Variants in ABCC1 observed in about 807,000 individuals in gnomAD.
ABCC1 encodes multidrug resistance-associated protein 1.
A neutral mutation model predicts 172.9 loss-of-function variants in ABCC1; 83 were observed. The observed-to-expected ratio is 0.48, with a 90% CI of 0.40 to 0.58. ABCC1 has a LOEUF of 0.58. Ranked by LOEUF, ABCC1 falls within the 20% of genes least tolerant of loss-of-function variation. The pLI is 0.00. For missense variants in ABCC1, 1,817 were observed against 2,002.7 expected (o/e 0.91, Z 1.77); for synonymous variants, 937 against 825.2 (o/e 1.14, Z -2.32).
At chr16:16,051,066 C>G (rs375630295) in intron 10 of ABCC1, among the ~76,000 whole-genome samples, 1 of 152,016 alleles carries the variant, frequency 6.6e-6, no homozygotes, top group South Asian at 2.1e-4. Flanking sequence ...TCTAACATCA[C>G]GTTTTGTTTT....
At chr16:16,073,896 T>C (rs2050450527) in intron 14 of ABCC1, among the ~76,000 whole-genome samples, 1 of 152,220 alleles carries the variant, frequency 6.6e-6, no homozygotes, top group Non-Finnish European at 1.5e-5. Flanking sequence ...TGTGTAAACG[T>C]CGGTTATACC....
intron 10 of ABCC1, among the ~76,000 whole-genome samples, chr16:16,049,587 C>G (rs1403261752): frequency 2.0e-5 from 3 of 152,194 alleles, no homozygotes; most frequent in Non-Finnish European, 2.9e-5. Flanking sequence ...TTGATTTACC[C>G]TCCCTTCTCA....
intron 17 of ABCC1, among the ~76,000 whole-genome samples, chr16:16,086,154 C>T (rs1436768036): frequency 2.0e-5 from 3 of 152,210 alleles, no homozygotes; most frequent in Non-Finnish European, 4.4e-5. Flanking sequence ...CACGGCCTTC[C>T]CACTGGTCAA....
At chr16:15,963,379 T>C (rs1159400498) in intron 1 of ABCC1, among the ~76,000 whole-genome samples, 1 of 152,244 alleles carries the variant, frequency 6.6e-6, no homozygotes, top group Admixed American at 6.5e-5. Flanking sequence ...TTCTGGATGG[T>C]GGCCCTTTTC....
intron 16 of ABCC1, among the ~76,000 whole-genome samples, chr16:16,080,583 T>C (rs2050767957): frequency 6.6e-6 from 1 of 151,910 alleles, no homozygotes; most frequent in African/African-American, 2.4e-5. Flanking sequence ...TTTCCAGGAG[T>C]GTGGTCTGCA....
intron 1 of ABCC1, among the ~76,000 whole-genome samples, chr16:15,995,961 C>T (rs1336408732): frequency 6.6e-6 from 1 of 151,178 alleles, no homozygotes; most frequent in Non-Finnish European, 1.5e-5. Context: ...AGGTGTGTAC[C>T]ACCACGCCCA....
chr16:15,981,139 T>G (rs1456915010), intron 1 of ABCC1, among the ~76,000 whole-genome samples: 1 of 152,254 alleles, frequency 6.6e-6, no homozygotes, highest in Non-Finnish European at 1.5e-5. Context: ...CCTGTGGCTT[T>G]GCAGGGTACA....
chr16:15,991,847 C>G (rs944025921), intron 1 of ABCC1, among the ~76,000 whole-genome samples: 1 of 152,088 alleles, frequency 6.6e-6, no homozygotes, highest in African/African-American at 2.4e-5. Flanking sequence ...AGCCTCCTTT[C>G]CCATCTCCCC....
intron 5 of ABCC1, among the ~76,000 whole-genome samples, chr16:16,020,982 T>A (rs1053305953): frequency 3.3e-5 from 5 of 152,186 alleles, no homozygotes; most frequent in African/African-American, 1.2e-4. Context: ...TTGTAACTGC[T>A]GAATGGGAGG....
At chr16:16,136,120 T>C (rs929569261) in intron 28 of ABCC1, among the ~76,000 whole-genome samples, 1 of 151,542 alleles carries the variant, frequency 6.6e-6, no homozygotes, top group Non-Finnish European at 1.5e-5. Context: ...GTCTCCCGGG[T>C]TCAAGTGATT....
At chr16:15,981,628 G>C (rs190978497) in intron 1 of ABCC1, among the ~76,000 whole-genome samples, 1 of 152,140 alleles carries the variant, frequency 6.6e-6, no homozygotes, top group Non-Finnish European at 1.5e-5. Flanking sequence ...CCCTGGGCCC[G>C]GCCTATGGAA....
intron 14 of ABCC1, chr16:16,076,095 G>A (rs2050553351): frequency 9.4e-6 from 5 of 534,694 alleles, no homozygotes; most frequent in Non-Finnish European, 1.6e-5. Context: ...CATCTTACAA[G>A]GACAAAGCTG....
intron 6 of ABCC1, among the ~76,000 whole-genome samples, chr16:16,034,504 A>G (rs959602586): frequency 6.6e-6 from 1 of 151,798 alleles, no homozygotes; most frequent in African/African-American, 2.4e-5. Context: ...CTCTAGTTAC[A>G]TAAGAGCATG....
At chr16:16,063,592 AAG>A (rs1391118270) in intron 12 of ABCC1, among the ~76,000 whole-genome samples, 3 of 152,156 alleles carry the variant, frequency 2.0e-5, no homozygotes, top group Non-Finnish European at 4.4e-5. Context: ...AGAGTAAGAG[AAG>A]AGGGGGATTT....
chr16:16,068,170 A>G lies in ABCC1; in HGVS notation c.1692A>G (p.Thr564=), dbSNP rs2151949073. The part of the protein sequence containing the change: ...VCTPFLVALC[T]FAVYVTIDEN... ...TCTGCTTGCAGGTGGCCTTGTGCAC[A>G]TTTGCCGTCTACGTGACCATTGACG... is the stretch of plus-strand genomic sequence containing the variant. Residue 564 remains threonine, a synonymous_variant, in exon 13 of 31, where the codon ACA becomes ACG. Transcript: ENST00000399410. 1 of 1,614,114 alleles carries G rather than the reference A, an allele frequency of 6.2e-7. No individual in the cohort carries two copies.
chr16:16,083,338 C>T (rs577163804), intron 16 of ABCC1, 28 bp from the exon 17 acceptor site: 1 of 1,608,374 alleles, frequency 6.2e-7, no homozygotes, highest in African/African-American at 1.3e-5. Context: ...GTGTGTCTGT[C>T]TCACCTCGTT....
chr16:16,137,583 G>A (rs573191554), intron 29 of ABCC1, among the ~76,000 whole-genome samples: 4 of 138,478 alleles, frequency 2.9e-5, no homozygotes, highest in Non-Finnish European at 4.6e-5. Context: ...TGAGACGGAG[G>A]GTCTCACTCT....
intron 23 of ABCC1, among the ~76,000 whole-genome samples, chr16:16,121,552 A>T (rs771875982): frequency 2.0e-5 from 3 of 152,224 alleles, no homozygotes; most frequent in Non-Finnish European, 4.4e-5. Flanking sequence ...GGTAGAGGTT[A>T]GCACTTTGCA....
In ABCC1 at chr16:16,141,165, TC is replaced by T; in HGVS notation, c.4488-5del. ...CTTCCCCTCATGTCTGTATCCCCTCTCCCTCAGGGTGATCGTCTTGGACAAA... is the reference window on the plus strand; with the variant it reads ...CTTCCCCTCATGTCTGTATCCCCTCTCCTCAGGGTGATCGTCTTGGACAAA... On this transcript the variant is annotated splice_polypyrimidine_tract_variant and splice_region_variant and intron_variant, in intron 30 of 30. Coordinates refer to ENST00000399410, the MANE Select transcript of ABCC1 (RefSeq NM_004996.4). The T allele has an allele frequency of 6.2e-7, 1 of 1,613,168 alleles. No individual in the cohort carries two copies.
Sources: gnomAD v4.1 joint callset for allele counts (sites outside exome capture counted in the v4.1 genomes callset) on GRCh38, gnomAD v4.1.1 for gene constraint, MANE v1.5 for transcripts, NCBI Gene and HGNC (gene_info 2026-07-23, HGNC 2026-07-21) for gene names.